The following COLGALT1 variants were observed in gnomAD, a reference collection of about 807,000 sequenced individuals.
COLGALT1 encodes collagen beta(1-O)galactosyltransferase 1.
Under a neutral mutation model 60.8 loss-of-function variants are expected in COLGALT1, and 43 were observed. That is an observed-to-expected ratio of 0.71 (90% CI 0.55 to 0.91). COLGALT1 has a LOEUF of 0.91. Among genes scored for constraint, COLGALT1 ranks in the 40% least tolerant of loss-of-function variants. The pLI is 0.00. For synonymous variants in COLGALT1, 369 were observed against 374.2 expected (o/e 0.99, Z 0.16); for missense variants, 845 against 880.0 (o/e 0.96, Z 0.50).
intron 5 of COLGALT1, among the ~76,000 whole-genome samples, chr19:17,572,148 A>G (rs1047834472): frequency 2.6e-5 from 4 of 151,998 alleles, no homozygotes; most frequent in African/African-American, 9.7e-5. Context: ...CGTCTCTACA[A>G]ATACAAAAAA....
chr19:17,570,211 T>C (rs769053541), intron 5 of COLGALT1, among the ~76,000 whole-genome samples: 2 of 152,026 alleles, frequency 1.3e-5, no homozygotes, highest in Non-Finnish European at 2.9e-5. Flanking sequence ...TACTTTTATA[T>C]GGCCACAAGC....
At chr19:17,556,920 G>T (rs2076215569) in intron 1 of COLGALT1, among the ~76,000 whole-genome samples, 1 of 152,030 alleles carries the variant, frequency 6.6e-6, no homozygotes, top group Non-Finnish European at 1.5e-5. Flanking sequence ...TCTAAAAAAA[G>T]AAAAAGAAAA....
chr19:17,557,101 G>C (rs1219230974), intron 1 of COLGALT1, among the ~76,000 whole-genome samples: 1 of 152,098 alleles, frequency 6.6e-6, no homozygotes, highest in Non-Finnish European at 1.5e-5. Context: ...GGCAGAATTA[G>C]CTTTTGGCAC....
chr19:17,555,905 C>A lies in COLGALT1; in HGVS notation c.192C>A (p.Ala64=). 7.1e-7 allele frequency: 1 copy of A among 1,400,052 alleles called. No individual in the cohort carries two copies. 86.7% of individuals were successfully genotyped at this position (1,400,052 alleles called of 1,614,324 possible). A position where few individuals can be genotyped will look rare whatever the true frequency, so the allele number is the denominator to read the frequency against. The change falls in exon 1 of 12, where the codon GCC becomes GCA. Residue 64 remains alanine, a synonymous_variant. Coordinates refer to ENST00000252599, the MANE Select transcript of COLGALT1 (RefSeq NM_024656.4). ...TCGCGCTGTTGGCGCGAAACGCGGC[C>A]CACGCGTTGCCCACCACGCTGGGCG... is the stretch of plus-strand genomic sequence containing the variant. The part of the protein sequence containing the change: ...VLIALLARNA[A]HALPTTLGAL...
intron 10 of COLGALT1, chr19:17,580,323 C>T (rs926601566): frequency 2.4e-5 from 8 of 327,210 alleles, no homozygotes; most frequent in South Asian, 1.2e-4. Context: ...ATTCTGGGAA[C>T]ACTGCCCCAT....
intron 8 of COLGALT1, 53 bp downstream of exon 8, chr19:17,577,520 T>C: frequency 7.3e-7 from 1 of 1,362,544 alleles, no homozygotes; most frequent in Non-Finnish European, 9.7e-7. Flanking sequence ...GATGTGGGTG[T>C]AGACCTCGCT....
intron 5 of COLGALT1, among the ~76,000 whole-genome samples, chr19:17,571,419 A>AT (rs2076311948): frequency 6.7e-6 from 1 of 148,956 alleles, no homozygotes; most frequent in Non-Finnish European, 1.5e-5. Flanking sequence ...AAAAAAATAA[A>AT]TAAATTAAAT....
rs2144827331 is a variant in COLGALT1 at position 17,567,423 on chromosome 19, C to T, written c.507C>T (p.Asn169=). The change falls in exon 4 of 12, where the codon AAC becomes AAT. Residue 169 remains asparagine (N), a synonymous_variant. Coordinates refer to ENST00000252599, the MANE Select transcript of COLGALT1 (RefSeq NM_024656.4). ...ADYILFVDAD[N]LILNPDTLSL... Reference sequence around the variant, plus strand: ...TTCTGCAGTTTGTAGATGCGGACAACCTGATCCTCAACCCTGACACACTGA... The same window carrying T: ...TTCTGCAGTTTGTAGATGCGGACAATCTGATCCTCAACCCTGACACACTGA... 1 of 1,613,826 alleles carries T rather than the reference C, an allele frequency of 6.2e-7. No individual in the cohort carries two copies. The highest frequency in any genetic ancestry group is 8.5e-7 in the Non-Finnish European group (1 of 1,179,812).
chr19:17,557,450 C>T (rs1184951507), intron 1 of COLGALT1, among the ~76,000 whole-genome samples: 1 of 151,826 alleles, frequency 6.6e-6, no homozygotes, highest in Non-Finnish European at 1.5e-5. Flanking sequence ...TACAGGTGCG[C>T]ACCACCATGC....
At chr19:17,556,196 G>C (rs2076210113) in intron 1 of COLGALT1, among the ~76,000 whole-genome samples, 1 of 152,210 alleles carries the variant, frequency 6.6e-6, no homozygotes, top group African/African-American at 2.4e-5. Flanking sequence ...TCCTCCCATG[G>C]GGCCAGACAC....
intron 5 of COLGALT1, among the ~76,000 whole-genome samples, chr19:17,570,504 C>G (rs2076306337): frequency 6.6e-6 from 1 of 152,106 alleles, no homozygotes; most frequent in African/African-American, 2.4e-5. Flanking sequence ...ACCTCAGCCT[C>G]CCAAAGCGCT....
chr19:17,566,402 T>C (rs1183973578), intron 3 of COLGALT1, among the ~76,000 whole-genome samples: 1 of 152,036 alleles, frequency 6.6e-6, no homozygotes, highest in African/African-American at 2.4e-5. Context: ...GGTAGTTCTG[T>C]GATATATCAT....
In COLGALT1 at chr19:17,559,375, A is replaced by T; in HGVS notation, c.325A>T (p.Lys109Ter). Residue 109 changes from lysine (K) to a stop codon, truncating the protein, a stop_gained, in exon 2 of 12, where the codon AAG becomes TAG. Coordinates refer to ENST00000252599, the MANE Select transcript of COLGALT1 (RefSeq NM_024656.4). LOFTEE classifies it high-confidence loss of function. The part of the protein sequence containing the change: ...TVLREWLVAV[K>*]SLYHSVEWRP... ...GCTGCGGGAGTGGCTGGTGGCCGTG[A>T]AGAGTTTGTACCATTCCGTGGAGTG... The T allele has an allele frequency of 6.4e-7, 1 of 1,552,162 alleles. No homozygotes were observed. The highest frequency in any genetic ancestry group is 8.7e-7 in the Non-Finnish European group (1 of 1,147,338).
At chr19:17,561,625 C>G (rs1255562214) in intron 3 of COLGALT1, among the ~76,000 whole-genome samples, 1 of 91,496 alleles carries the variant, frequency 1.1e-5, no homozygotes, top group Non-Finnish European at 1.9e-5. Context: ...GTATGAGACT[C>G]TGTCTCAAAA....
Position 17,578,007 on chromosome 19 carries a change from G to A in COLGALT1, c.1184G>A (p.Gly395Asp). The change falls in exon 9 of 12, where the codon GGC becomes GAC. Residue 395 changes from glycine to aspartate, a missense_variant. By Grantham distance (94) the Gly-to-Asp change is moderately conservative. Transcript: ENST00000252599. ...GCGCTGGGGATCCAGATGCTGCCTG[G>A]CTACCGGGACCCCTACCACGGCCGG... ...VEALGIQMLP[G>D]YRDPYHGRPL... 1 of 1,612,616 alleles carries A rather than the reference G, an allele frequency of 6.2e-7. No homozygotes were observed. Among genetic ancestry groups the A allele is most frequent in the Non-Finnish European group, 8.5e-7 (1 of 1,179,628 alleles).
At chr19:17,566,365 A>G (rs1031486756) in intron 3 of COLGALT1, among the ~76,000 whole-genome samples, 11 of 152,072 alleles carry the variant, frequency 7.2e-5, no homozygotes, top group African/African-American at 2.2e-4. Flanking sequence ...ATCTCAAAAA[A>G]ACAAAAACAA....
At chr19:17,571,072 A>G (rs531566994) in intron 5 of COLGALT1, among the ~76,000 whole-genome samples, 2 of 152,332 alleles carry the variant, frequency 1.3e-5, no homozygotes, top group East Asian at 3.9e-4. Flanking sequence ...CGTCTGGCAC[A>G]CAAGCCTAAA....
chr19:17,580,954 C>T (rs768313525), intron 11 of COLGALT1, 49 bp downstream of exon 11: 2 of 1,598,898 alleles, frequency 1.3e-6, no homozygotes, highest in South Asian at 1.1e-5. Flanking sequence ...GTGGGTCTGT[C>T]CTGGGAGAAT....
chr19:17,574,757 G>A lies in COLGALT1; in HGVS notation c.949+2155G>A, dbSNP rs149409480. Reference sequence around the variant, plus strand: ...GTCCCACCCGGCTACAGTTGGGGGTGGTGGGTCTCCATTTATCACCAACTC... The same window carrying A: ...GTCCCACCCGGCTACAGTTGGGGGTAGTGGGTCTCCATTTATCACCAACTC... On this transcript the variant is annotated intron_variant, in intron 6 of 11. Coordinates refer to ENST00000252599, the MANE Select transcript of COLGALT1 (RefSeq NM_024656.4). 1.6e-3 allele frequency among the ~76,000 whole-genome samples: 242 copies of A among 152,254 alleles called. 1 individual carries two copies. The Middle Eastern group carries it at 0.02, about 13-fold the overall frequency.
Sources: gnomAD v4.1 joint callset for allele counts (sites outside exome capture counted in the v4.1 genomes callset) on GRCh38, gnomAD v4.1.1 for gene constraint, MANE v1.5 for transcripts, NCBI Gene and HGNC (gene_info 2026-07-23, HGNC 2026-07-21) for gene names.